IL1RAP: variants seen among roughly 807,000 people sequenced by gnomAD.
IL1RAP encodes interleukin 1 receptor accessory protein.
In IL1RAP, 35 loss-of-function variants were observed where a neutral mutation model predicts 60.7. The ratio of observed to expected loss-of-function variants is 0.58; its 90% CI spans 0.44 to 0.76. The LOEUF (loss-of-function observed/expected upper bound fraction) is 0.76, where lower values mean the gene tolerates loss of function less well. Among genes scored for constraint, IL1RAP ranks in the 30% least tolerant of loss-of-function variants. IL1RAP has a pLI of 0.00. For missense variants in IL1RAP, 572 were observed against 693.9 expected, an observed-to-expected ratio of 0.82 and a Z score of 1.97; for synonymous variants, 268 against 250.9, an observed-to-expected ratio of 1.07 and a Z score of -0.64.
At chr3:190,572,043 CT>C (rs938496366) in intron 3 of IL1RAP, among the ~76,000 whole-genome samples, 9 of 152,056 alleles carry the variant, frequency 5.9e-5, no homozygotes, top group African/African-American at 2.2e-4. Flanking sequence ...TTTGTTTGCC[CT>C]TTTTTTCAAG....
chr3:190,535,302 T>A (rs532417112), intron 1 of IL1RAP, among the ~76,000 whole-genome samples: 2 of 152,340 alleles, frequency 1.3e-5, no homozygotes, highest in African/African-American at 4.8e-5. Context: ...GATGAACGCT[T>A]ACAGAAACCA....
rs756516422 is a variant in IL1RAP at position 190,620,330 on chromosome 3, G to A, written c.593G>A (p.Ser198Asn). ...GTAATACCCGAAGGTATGAACTTGAGTTTCCTCATTGCCTTAATTTCAAAT... is the reference window on the plus strand; with the variant it reads ...GTAATACCCGAAGGTATGAACTTGAATTTCCTCATTGCCTTAATTTCAAAT... ...NNVIPEGMNLSFLIALISNNG... is the reference protein window; with the variant it reads ...NNVIPEGMNLNFLIALISNNG... The change falls in exon 6 of 12, where the codon AGT (serine) becomes AAT (asparagine). Residue 198 changes from serine to asparagine, a missense_variant. By Grantham distance (46) the Ser-to-Asn change is conservative. Coordinates refer to ENST00000447382, the MANE Select transcript of IL1RAP (RefSeq NM_002182.4). The A allele has an allele frequency of 1.9e-6, 3 of 1,604,086 alleles. No individual in the cohort carries two copies. In the East Asian group the frequency reaches 6.7e-5, roughly 36 times the overall value.
chr3:190,576,917 C>G (rs1053087057), intron 3 of IL1RAP, among the ~76,000 whole-genome samples: 4 of 151,180 alleles, frequency 2.6e-5, no homozygotes, highest in African/African-American at 9.8e-5. Context: ...ATCGAGAGCA[C>G]GGTGAAACCC....
chr3:190,656,050 C>T (rs986477112), downstream of IL1RAP: 77 of 1,537,130 alleles, frequency 5.0e-5, no homozygotes, highest in East Asian at 1.1e-3. Context: ...GGTTGAGTAC[C>T]GTCCCCTTGA....
chr3:190,611,919 A>C (rs181597471), intron 5 of IL1RAP, among the ~76,000 whole-genome samples: 99 of 152,308 alleles, frequency 6.5e-4, no homozygotes, highest in African/African-American at 2.2e-3. Context: ...CTTTAGTTGG[A>C]TCTTTTTCAT....
chr3:190,530,940 C>T (rs1160807883), intron 1 of IL1RAP, among the ~76,000 whole-genome samples: 1 of 121,490 alleles, frequency 8.2e-6, no homozygotes, highest in African/African-American at 4.7e-5. Context: ...TGATGACCAT[C>T]AAGTGGCCAC....
chr3:190,551,910 G>C (rs1416154665), intron 1 of IL1RAP, among the ~76,000 whole-genome samples: 1 of 152,084 alleles, frequency 6.6e-6, no homozygotes, highest in African/African-American at 2.4e-5. Context: ...TCAGATATTA[G>C]AATTTTAGAA....
intron 3 of IL1RAP, 57 bp downstream of exon 3, chr3:190,564,410 G>T: frequency 2.0e-6 from 2 of 993,826 alleles, no homozygotes; most frequent in Non-Finnish European, 3.3e-6. Context: ...AGGGTAATGA[G>T]TCCACTCTTC....
chr3:190,647,624 G>A (rs1427058103), intron 11 of IL1RAP, among the ~76,000 whole-genome samples: 2 of 152,140 alleles, frequency 1.3e-5, no homozygotes. Flanking sequence ...TATAGTAATG[G>A]TCGGAGTTTG....
intron 11 of IL1RAP, among the ~76,000 whole-genome samples, chr3:190,647,615 A>G (rs1299781099): frequency 6.6e-6 from 1 of 152,172 alleles, no homozygotes; most frequent in Non-Finnish European, 1.5e-5. Context: ...ACATAGCTTT[A>G]TAGTAATGGT....
intron 1 of IL1RAP, among the ~76,000 whole-genome samples, chr3:190,532,811 T>C (rs1163544094): frequency 6.6e-6 from 1 of 152,208 alleles, no homozygotes; most frequent in Non-Finnish European, 1.5e-5. Context: ...GACAGTTCCC[T>C]AGAAGCTCAG....
intron 2 of IL1RAP, among the ~76,000 whole-genome samples, chr3:190,558,666 T>C (rs1725634758): frequency 6.6e-6 from 1 of 152,184 alleles, no homozygotes; most frequent in Admixed American, 6.5e-5. Flanking sequence ...TATTCTTCTT[T>C]TTCAAAATTT....
At chr3:190,514,891 G>A (rs1436679484) in intron 1 of IL1RAP, among the ~76,000 whole-genome samples, 6 of 152,224 alleles carry the variant, frequency 3.9e-5, no homozygotes, top group Admixed American at 2.0e-4. Flanking sequence ...CTTGGGAAGA[G>A]CTGACTTCAT....
intron 1 of IL1RAP, among the ~76,000 whole-genome samples, chr3:190,522,300 TC>T (rs1317398181): frequency 6.1e-5 from 6 of 97,712 alleles, no homozygotes; most frequent in African/African-American, 5.3e-4. Flanking sequence ...CTTCCTTCCT[TC>T]CTTCCTTCCT....
At chr3:190,579,456 T>C (rs2112077) in intron 3 of IL1RAP, among the ~76,000 whole-genome samples, 3,133 of 152,244 alleles carry the variant, frequency 0.021, 91 homozygotes, top group East Asian at 0.15. Flanking sequence ...CCGGAGAGAT[T>C]AGGTGGTTTA....
chr3:190,520,008 C>T (rs7628333), intron 1 of IL1RAP, among the ~76,000 whole-genome samples: 36,575 of 152,036 alleles, frequency 0.24, 4,831 homozygotes, highest in Middle Eastern at 0.39. Context: ...TCATTCCTTC[C>T]TCATCATTCA....
intron 3 of IL1RAP, among the ~76,000 whole-genome samples, chr3:190,592,894 T>A (rs1342775487): frequency 6.6e-6 from 1 of 152,206 alleles, no homozygotes; most frequent in Non-Finnish European, 1.5e-5. Flanking sequence ...TTGTCCATAC[T>A]TTTTATTTTT....
intron 3 of IL1RAP, among the ~76,000 whole-genome samples, chr3:190,572,567 A>C (rs1727020361): frequency 6.6e-6 from 1 of 152,210 alleles, no homozygotes; most frequent in Non-Finnish European, 1.5e-5. Flanking sequence ...ATCTGATGTA[A>C]ACCCGGCTAT....
chr3:190,620,086 G>T (rs1287018358), intron 5 of IL1RAP, among the ~76,000 whole-genome samples, 189 bp from the exon 6 acceptor site: 1 of 152,116 alleles, frequency 6.6e-6, no homozygotes, highest in Admixed American at 6.6e-5. Context: ...GATCAGAAAA[G>T]ATAATGACAG....
Sources: gnomAD v4.1 joint callset for allele counts (sites outside exome capture counted in the v4.1 genomes callset) on GRCh38, gnomAD v4.1.1 for gene constraint, MANE v1.5 for transcripts, NCBI Gene and HGNC (gene_info 2026-07-23, HGNC 2026-07-21) for gene names.